LEFTY2: variants seen among roughly 807,000 people sequenced by gnomAD.
LEFTY2 encodes the protein left-right determination factor 2, also known as TGF-beta-4.
A neutral mutation model predicts 26.4 loss-of-function variants in LEFTY2; 10 were observed. The ratio of observed to expected loss-of-function variants is 0.38; its 90% CI spans 0.23 to 0.64. The LOEUF (loss-of-function observed/expected upper bound fraction) is 0.64, where lower values mean the gene tolerates loss of function less well. LEFTY2 is among the 30% of genes least tolerant of loss of function. LEFTY2 has a pLI of 0.56. For synonymous variants in LEFTY2, 204 were observed against 234.1 expected, an observed-to-expected ratio of 0.87 and a Z score of 1.17; for missense variants, 407 against 502.1, an observed-to-expected ratio of 0.81 and a Z score of 1.81.
In LEFTY2 at chr1:225,937,431, C is replaced by G; in HGVS notation, c.*10G>C. 1 of 1,613,954 alleles carries G rather than the reference C, an allele frequency of 6.2e-7. No homozygotes were observed. The highest frequency in any genetic ancestry group is 1.3e-5 in the African/African-American group (1 of 75,054). On this transcript the variant is annotated 3_prime_UTR_variant, in exon 4 of 4. Coordinates refer to ENST00000366820, the MANE Select transcript of LEFTY2 (RefSeq NM_003240.5). Reference sequence around the variant, plus strand: ...GTTCAGTTAGAGGGCTCAATGGATACACCAGGCGCCTATGGCTGGAGCCTC... The same window carrying G: ...GTTCAGTTAGAGGGCTCAATGGATAGACCAGGCGCCTATGGCTGGAGCCTC...
chr1:225,940,607 C>T (rs1006522859), intron 1 of LEFTY2, among the ~76,000 whole-genome samples: 12 of 152,186 alleles, frequency 7.9e-5, no homozygotes, highest in African/African-American at 2.2e-4. Flanking sequence ...TCACCTGCTC[C>T]CCCAGCTCTA....
At position 225,937,795 on chromosome 1, in the gene LEFTY2, G is replaced by T; in HGVS notation, c.747C>A (p.Gly249=). ...TLDLRDYGAQ[G]DCDPEAPMTE... is the part of the protein sequence containing the mutation. ...TCATTGGTGCTTCAGGGTCACAGTC[G>T]CCCTGAGCTCTGTGTGGGCAAGGAG... The change falls in exon 4 of 4, where the codon GGC becomes GGA. Residue 249 remains glycine, a synonymous_variant. Coordinates refer to ENST00000366820, the MANE Select transcript of LEFTY2 (RefSeq NM_003240.5). 1.2e-6 allele frequency: 2 copies of T among 1,611,518 alleles called. No homozygotes were observed.
In LEFTY2 at chr1:225,937,394, C is replaced by T. The variant is rs1353999289; in HGVS notation, c.*47G>A. ...AAGTTAAGACCTACATTAAGACCAC[C>T]TCTATGCACACGTTCAGTTAGAGGG... On this transcript the variant is annotated 3_prime_UTR_variant, in exon 4 of 4. Coordinates refer to ENST00000366820, the MANE Select transcript of LEFTY2 (RefSeq NM_003240.5). 4 of 1,612,976 alleles carry T rather than the reference C, an allele frequency of 2.5e-6. No individual in the cohort carries two copies. Among genetic ancestry groups the T allele is most frequent in the Non-Finnish European group, 3.4e-6 (4 of 1,180,030 alleles).
Position 225,936,724 on chromosome 1 carries a change from AC to A in LEFTY2, c.*716del, listed in dbSNP as rs1309737088. The stretch of plus-strand genomic sequence containing the variant: ...GTTCTCTAAGACAGTGTGGGAAATG[AC>A]CTAAATATGCACGGGCAAGGCTCAG... On this transcript the variant is annotated 3_prime_UTR_variant, in exon 4 of 4. Transcript: ENST00000366820. The A allele has an allele frequency of 6.6e-6, 1 of 152,384 alleles. No individual in the cohort carries two copies. The highest frequency in any genetic ancestry group is 2.4e-5 in the African/African-American group (1 of 41,450). 9.4% of individuals were successfully genotyped at this position (152,384 alleles called of 1,614,324 possible).
rs373198678 is a variant in LEFTY2 at position 225,937,590 on chromosome 1, C to G, written c.952G>C (p.Ala318Pro). 3 of 1,614,098 alleles carry G rather than the reference C, an allele frequency of 1.9e-6. No individual in the cohort carries two copies. Among genetic ancestry groups the G allele is most frequent in the Non-Finnish European group, 2.5e-6 (3 of 1,180,046 alleles). The part of the protein sequence containing the change: ...WPFLGPRQCI[A>P]SETASLPMIV... ...ATGGGCAGCGAGGCAGTCTCCGAGG[C>G]GATACACTGTCGCGGCCCCAGAAAT... The change falls in exon 4 of 4, where the codon GCC (alanine) becomes CCC (proline). Residue 318 changes from alanine to proline, a missense_variant. Physicochemically the swap from Ala to Pro is conservative, Grantham distance 27. Coordinates refer to ENST00000366820, the MANE Select transcript of LEFTY2 (RefSeq NM_003240.5).
At position 225,939,032 on chromosome 1, in the gene LEFTY2, C is replaced by T. The variant is rs930427241; in HGVS notation, c.737+329G>A. ...GATTACAGGCACGCGCCACCACGCC[C>T]GGCTAATTTTTGTATTTTTGGTAGA... On this transcript the variant is annotated intron_variant, in intron 3 of 3. Coordinates refer to ENST00000366820, the MANE Select transcript of LEFTY2 (RefSeq NM_003240.5). The surrounding 1 kb of genome is among the most constrained non-coding windows in gnomAD (Gnocchi z 4.1). 6.6e-5 allele frequency among the ~76,000 whole-genome samples: 10 copies of T among 151,752 alleles called. No individual in the cohort carries two copies. Among genetic ancestry groups the T allele is most frequent in the Non-Finnish European group, 8.8e-5 (6 of 67,918 alleles).
At position 225,940,791 on chromosome 1, in the gene LEFTY2, G is replaced by A; in HGVS notation, c.250+100C>T. 4 of 1,566,912 alleles carry A rather than the reference G, an allele frequency of 2.6e-6. No homozygotes were observed. In the East Asian group the frequency reaches 9.0e-5, roughly 35 times the overall value. ...CGTGGCCCTCACACAGCCTCCCACAGAGTCCCAAAAGGCCAGGGGCCCTTC... is the reference window on the plus strand; with the variant it reads ...CGTGGCCCTCACACAGCCTCCCACAAAGTCCCAAAAGGCCAGGGGCCCTTC... On this transcript the variant is annotated intron_variant, in intron 1 of 3. Coordinates refer to ENST00000366820, the MANE Select transcript of LEFTY2 (RefSeq NM_003240.5).
chr1:225,939,900 A>G lies in LEFTY2; in HGVS notation c.353T>C (p.Leu118Pro), dbSNP rs2102683434. The part of the protein sequence containing the change: ...PPNSELVQAV[L>P]RLFQEPVPKA... The stretch of plus-strand genomic sequence containing the variant: ...GGGGACCGGCTCCTGGAAGAGCCGC[A>G]GCACGGCCTGCACCAGCTCGCTGTT... Residue 118 changes from leucine (L) to proline (P), a missense_variant, in exon 2 of 4, where the codon CTG (leucine) becomes CCG (proline). Leu to Pro is a moderately conservative substitution (Grantham distance 98, BLOSUM62 -3). Coordinates refer to ENST00000366820, the MANE Select transcript of LEFTY2 (RefSeq NM_003240.5). This position sits in a 1 kb window ranked among gnomAD's most constrained non-coding sequence, Gnocchi z 4.1. 1 of 1,561,690 alleles carries G rather than the reference A, an allele frequency of 6.4e-7. No individual in the cohort carries two copies. The highest frequency in any genetic ancestry group is 2.3e-5 in the East Asian group (1 of 43,616).
At chr1:225,940,629 C>T (rs1483252150) in intron 1 of LEFTY2, among the ~76,000 whole-genome samples, 6 of 152,190 alleles carry the variant, frequency 3.9e-5, no homozygotes, top group Non-Finnish European at 8.8e-5. Context: ...TTTCTCTCCT[C>T]TACCCTCCCC....
In LEFTY2 at chr1:225,939,962, G is replaced by A; in HGVS notation, c.291C>T (p.His97=). 4 of 1,595,340 alleles carry A rather than the reference G, an allele frequency of 2.5e-6. No individual in the cohort carries two copies. The highest frequency in any genetic ancestry group is 2.2e-5 in the South Asian group (2 of 90,872). The change falls in exon 2 of 4, where the codon CAC becomes CAT. Residue 97 remains histidine (H), a synonymous_variant. Transcript: ENST00000366820. The surrounding 1 kb of genome is among the most constrained non-coding windows in gnomAD (Gnocchi z 4.1). ...GRFLASEAST[H]LLVFGMEQRL... is the part of the protein sequence containing the mutation. ...GCTGCTCCATGCCGAACACCAGCAG[G>A]TGTGTGCTGGCCTCCGACGCCAGGA...
At position 225,939,365 on chromosome 1, in the gene LEFTY2, A is replaced by G. The variant is rs1480671216; in HGVS notation, c.733T>C (p.Tyr245His). ...TCTGCCCAGTCCTGCACCTACCCAT[A>G]GTCCCTGAGGTCCAGGGTGTGCAGC... ...LELHTLDLRD[Y>H]GAQGDCDPEA... The change falls in exon 3 of 4, where the codon TAT becomes CAT. Residue 245 changes from tyrosine to histidine, a missense_variant. Physicochemically the swap from Tyr to His is moderately conservative, Grantham distance 83. Transcript: ENST00000366820. The surrounding 1 kb of genome is among the most constrained non-coding windows in gnomAD (Gnocchi z 4.1). The G allele has an allele frequency of 1.2e-6, 2 of 1,613,750 alleles. No homozygotes were observed. The highest frequency in any genetic ancestry group is 1.3e-5 in the African/African-American group (1 of 75,034).
chr1:225,937,784 G>A lies in LEFTY2; in HGVS notation c.758C>T (p.Pro253Leu). The change falls in exon 4 of 4, where the codon CCT becomes CTT. Residue 253 changes from proline (P) to leucine (L), a missense_variant. By Grantham distance (98) the Pro-to-Leu change is moderately conservative (BLOSUM62 -3). Coordinates refer to ENST00000366820, the MANE Select transcript of LEFTY2 (RefSeq NM_003240.5). ...RDYGAQGDCD[P>L]EAPMTEGTRC... is the part of the protein sequence containing the mutation. ...GGTGCCCTCGGTCATTGGTGCTTCAGGGTCACAGTCGCCCTGAGCTCTGTG... is the reference window on the plus strand; with the variant it reads ...GGTGCCCTCGGTCATTGGTGCTTCAAGGTCACAGTCGCCCTGAGCTCTGTG... 2 of 1,612,048 alleles carry A rather than the reference G, an allele frequency of 1.2e-6. No individual in the cohort carries two copies. The highest frequency in any genetic ancestry group is 1.7e-4 in the Middle Eastern group (1 of 5,824).
In LEFTY2 at chr1:225,937,684, CG is replaced by C; in HGVS notation, c.857del (p.Pro286ArgfsTer41). ...KWAKNWVLEP[P>X]GFLAYECVGT... is the part of the protein sequence containing the mutation. Reference sequence around the variant, plus strand: ...CCACACACTCGTAAGCCAGGAAGCCCGGGGGCTCCAGCACCCAGTTCTTGGC... The same window carrying C: ...CCACACACTCGTAAGCCAGGAAGCCCGGGGCTCCAGCACCCAGTTCTTGGC... On this transcript the variant is annotated frameshift_variant, in exon 4 of 4. Transcript: ENST00000366820. LOFTEE classifies it high-confidence loss of function. 6.2e-7 allele frequency: 1 copy of C among 1,613,900 alleles called. No homozygotes were observed. The highest frequency in any genetic ancestry group is 8.5e-7 in the Non-Finnish European group (1 of 1,179,814).
chr1:225,940,860 G>T (rs756716142), intron 1 of LEFTY2, 31 bp downstream of exon 1: 14 of 1,612,832 alleles, frequency 8.7e-6, no homozygotes, highest in Admixed American at 3.3e-5. Context: ...CCGACCATGG[G>T]ACCGGGGCCA....
rs763209209 is a variant in LEFTY2, at chr1:225,939,734, T to G, written c.497+22A>C. ...GCCGAGCAGCCTCCTACTCCTGCCCTGCGCGCCCGCGCGACCCCCACCTGG... is the reference window on the plus strand; with the variant it reads ...GCCGAGCAGCCTCCTACTCCTGCCCGGCGCGCCCGCGCGACCCCCACCTGG... On this transcript the variant is annotated intron_variant, in intron 2 of 3. Transcript: ENST00000366820. The surrounding 1 kb of genome is among the most constrained non-coding windows in gnomAD (Gnocchi z 4.1). 10 of 1,602,756 alleles carry G rather than the reference T, an allele frequency of 6.2e-6. No individual in the cohort carries two copies. The highest frequency in any genetic ancestry group is 8.5e-6 in the Non-Finnish European group (10 of 1,176,364).
chr1:225,938,196 C>A (rs934350697), intron 3 of LEFTY2, among the ~76,000 whole-genome samples: 34 of 152,124 alleles, frequency 2.2e-4, no homozygotes, highest in African/African-American at 7.5e-4. Context: ...GGCCAACCGG[C>A]TCCAAGGCCT....
At position 225,939,983 on chromosome 1, in the gene LEFTY2, C is replaced by T. The variant is rs759360443; in HGVS notation, c.270G>A (p.Leu90=). The T allele has an allele frequency of 1.1e-5, 18 of 1,595,756 alleles. No homozygotes were observed. The highest frequency in any genetic ancestry group is 5.0e-5 in the Admixed American group (3 of 59,996). The change falls in exon 2 of 4, where the codon CTG becomes CTA. Residue 90 remains leucine (L), a synonymous_variant. Transcript: ENST00000366820. The surrounding 1 kb of genome is among the most constrained non-coding windows in gnomAD (Gnocchi z 4.1). ...GCAGGTGTGTGCTGGCCTCCGACGC[C>T]AGGAACCTGCCGGCCACCTCTGGGG... is the stretch of plus-strand genomic sequence containing the variant. ...QSFREVAGRF[L]ASEASTHLLV...
At chr1:225,940,740 C>T (rs1018428329) in intron 1 of LEFTY2, 151 bp downstream of exon 1, 16 of 1,219,678 alleles carry the variant, frequency 1.3e-5, no homozygotes, top group Middle Eastern at 2.8e-4. Context: ...GACCCAGGCC[C>T]GGCTCCTCCT....
chr1:225,940,758 C>T (rs1186089811), intron 1 of LEFTY2, 133 bp downstream of exon 1: 12 of 1,397,554 alleles, frequency 8.6e-6, no homozygotes, highest in Non-Finnish European at 1.1e-5. Flanking sequence ...CCTCACTGCT[C>T]CTTGGACCGT....
Sources: allele counts gnomAD v4.1 joint callset (sites outside exome capture counted in the v4.1 genomes callset), GRCh38; gene constraint gnomAD v4.1.1; non-coding constraint Gnocchi (gnomAD v3.1); transcripts MANE v1.5; gene names NCBI Gene and HGNC (gene_info 2026-07-23, HGNC 2026-07-21).